Variants in CIITA observed in about 807,000 individuals in gnomAD.
The protein encoded by CIITA is MHC class II transactivator.
A neutral mutation model predicts 115.1 loss-of-function variants in CIITA; 72 were observed. The observed-to-expected ratio is 0.63, with a 90% CI of 0.52 to 0.76. CIITA has a LOEUF of 0.76. Among genes scored for constraint, CIITA ranks in the 30% least tolerant of loss-of-function variants. The probability of loss-of-function intolerance (pLI) is 0.00; values close to 1 mark genes in which losing one functional copy is unlikely to be tolerated. For missense variants in CIITA, 1,617 were observed against 1,463.8 expected, an observed-to-expected ratio of 1.10 and a Z score of -1.71; for synonymous variants, 763 against 635.6, an observed-to-expected ratio of 1.20 and a Z score of -3.02.
chr16:10,896,182 A>G (rs1042739364), intron 3 of CIITA, among the ~76,000 whole-genome samples: 5 of 152,214 alleles, frequency 3.3e-5, no homozygotes, highest in Non-Finnish European at 7.3e-5. Context: ...ATTGCTGTCC[A>G]TACATTATCA....
intron 1 of CIITA, among the ~76,000 whole-genome samples, chr16:10,887,479 A>C (rs2037072942): frequency 1.3e-5 from 2 of 148,322 alleles, no homozygotes; most frequent in South Asian, 4.3e-4. Context: ...AAGAGTAGGG[A>C]AGTATTCCTT....
intron 10 of CIITA, among the ~76,000 whole-genome samples, chr16:10,906,078 A>G (rs1234976206): frequency 6.6e-6 from 1 of 152,016 alleles, no homozygotes; most frequent in African/African-American, 2.4e-5. Context: ...CTGTAGTCCC[A>G]GCTACTCAGG....
chr16:10,868,775 C>G (rs924730464), intron 1 of CIITA, among the ~76,000 whole-genome samples: 1 of 152,196 alleles, frequency 6.6e-6, no homozygotes, highest in Non-Finnish European at 1.5e-5. Flanking sequence ...ACTCTGTTTC[C>G]TCCCTCGGGA....
At position 10,879,151 on chromosome 16, in the gene CIITA, G is replaced by C. The variant is rs142300925; in HGVS notation, c.52+1769G>C. The C allele has an allele frequency of 1.3e-3, 236 of 181,664 alleles. No homozygotes were observed. The highest frequency in any genetic ancestry group is 5.4e-3 in the African/African-American group (229 of 42,530). The allele number at this position is 181,664 out of a possible 1,614,324, so 11.3% of individuals were successfully genotyped here. A position where few individuals can be genotyped will look rare whatever the true frequency, so the allele number is the denominator to read the frequency against. On this transcript the variant is annotated intron_variant, in intron 1 of 19. Transcript: ENST00000324288. This position sits in a 1 kb window ranked among gnomAD's most constrained non-coding sequence, Gnocchi z 4.3. ...CACACAGCAAGTCTGGGAGGATGGG[G>C]GGATGGAATATGCAAAATGTAGGGC...
rs747535079 is a variant in CIITA at position 10,907,452 on chromosome 16, C to G, written c.1960C>G (p.Pro654Ala). ...LLGRAALDSPPGALAELAKLA... is the reference protein window; with the variant it reads ...LLGRAALDSPAGALAELAKLA... ...GGGCCGTGCAGCCCTCGACAGCCCC[C>G]CCGGGGCCCTGGCAGAGCTGGCCAA... Residue 654 changes from proline to alanine, a missense_variant, in exon 11 of 20, where the codon CCC becomes GCC. Transcript: ENST00000324288. The surrounding 1 kb of genome is among the most constrained non-coding windows in gnomAD (Gnocchi z 5.0). The G allele has an allele frequency of 1.9e-6, 3 of 1,613,376 alleles. No individual in the cohort carries two copies. The highest frequency in any genetic ancestry group is 2.2e-5 in the East Asian group (1 of 44,870).
chr16:10,899,149 A>C (rs1266540799), intron 5 of CIITA, 147 bp downstream of exon 5: 6 of 750,834 alleles, frequency 8.0e-6, no homozygotes, highest in Non-Finnish European at 1.4e-5. Flanking sequence ...GAGCCTTAAA[A>C]TGTACATCTG....
rs761042006 is a variant in CIITA, at chr16:10,907,815, G to C, written c.2323G>C (p.Gly775Arg). 1.9e-6 allele frequency: 3 copies of C among 1,613,998 alleles called. No individual in the cohort carries two copies. The highest frequency in any genetic ancestry group is 1.1e-5 in the South Asian group (1 of 91,074). ...PPARCLGALL[G>R]PSAAASVDRK... ...CGCCCGCTGCCTGGGAGCCCTACTC[G>C]GGCCATCGGCGGCTGCCTCGGTGGA... Residue 775 changes from glycine (G) to arginine (R), a missense_variant, in exon 11 of 20, where the codon GGG becomes CGG. Transcript: ENST00000324288. The surrounding 1 kb of genome is among the most constrained non-coding windows in gnomAD (Gnocchi z 5.0).
intron 15 of CIITA, among the ~76,000 whole-genome samples, chr16:10,917,482 T>A (rs922480649): frequency 5.2e-5 from 1 of 19,282 alleles, no homozygotes; most frequent in Non-Finnish European, 1.6e-4. Context: ...TTCAATGGGA[T>A]TTTTTTTTTT....
downstream of CIITA, chr16:10,937,458 C>A (rs1216772915): frequency 6.6e-6 from 1 of 152,414 alleles, no homozygotes; most frequent in Non-Finnish European, 1.5e-5. This position sits in a 1 kb window ranked among gnomAD's most constrained non-coding sequence, Gnocchi z 4.2. Context: ...TAGGAAGGAG[C>A]AGCTGTGGTT....
rs780434580 is a variant in CIITA at position 10,907,826 on chromosome 16, G to A, written c.2334G>A (p.Ala778=). The A allele has an allele frequency of 1.5e-5, 25 of 1,613,832 alleles. No individual in the cohort carries two copies. The highest frequency in any genetic ancestry group is 2.2e-5 in the East Asian group (1 of 44,870). The change falls in exon 11 of 20, where the codon GCG becomes GCA. Residue 778 remains alanine (A), a synonymous_variant. Transcript: ENST00000324288. The surrounding 1 kb of genome is among the most constrained non-coding windows in gnomAD (Gnocchi z 5.0). ...RCLGALLGPS[A]AASVDRKQKV... The stretch of plus-strand genomic sequence containing the variant: ...TGGGAGCCCTACTCGGGCCATCGGC[G>A]GCTGCCTCGGTGGACAGGAAGCAGA...
At chr16:10,900,985 A>T (rs1206536968) in intron 5 of CIITA, among the ~76,000 whole-genome samples, 1 of 152,184 alleles carries the variant, frequency 6.6e-6, no homozygotes, top group African/African-American at 2.4e-5. Flanking sequence ...GTACTTCAGC[A>T]TCCTTTCTTT....
Position 10,923,554 on chromosome 16 carries a change from G to A in CIITA, c.*22+229G>A, listed in dbSNP as rs1440732310. On this transcript the variant is annotated intron_variant, in intron 19 of 19. Coordinates refer to ENST00000324288, the MANE Select transcript of CIITA (RefSeq NM_000246.4). This position sits in a 1 kb window ranked among gnomAD's most constrained non-coding sequence, Gnocchi z 5.2. ...GTCAGGCTTAGAGATCAGGGGACAG[G>A]AAAGTTGGCCATCCACATCCCACAG... 6.6e-6 allele frequency among the ~76,000 whole-genome samples: 1 copy of A among 152,178 alleles called. No individual in the cohort carries two copies. The highest frequency in any genetic ancestry group is 1.5e-5 in the Non-Finnish European group (1 of 68,026).
intron 7 of CIITA, 92 bp downstream of exon 7, chr16:10,902,276 C>T (rs979435819): frequency 2.6e-6 from 4 of 1,528,408 alleles, no homozygotes; most frequent in Admixed American, 1.8e-5. Context: ...AGGAACTGGA[C>T]CTCACCTCTC....
intron 8 of CIITA, among the ~76,000 whole-genome samples, chr16:10,903,412 G>A (rs2038923813): frequency 6.6e-6 from 1 of 152,172 alleles, no homozygotes; most frequent in Admixed American, 6.5e-5. Flanking sequence ...TATCTCAGAA[G>A]CAGAGAAGCA....
In CIITA at chr16:10,906,947, C is replaced by A. The variant is rs997366564; in HGVS notation, c.1455C>A (p.Ser485Arg). 4 of 1,613,078 alleles carry A rather than the reference C, an allele frequency of 2.5e-6. No individual in the cohort carries two copies. The African/African-American group carries it at 5.3e-5, about 22-fold the overall frequency. Residue 485 changes from serine to arginine, a missense_variant, in exon 11 of 20, where the codon AGC becomes AGA. Transcript: ENST00000324288. ...QPLVAADEVF[S>R]HILKRPDRVL... Reference sequence around the variant, plus strand: ...TCGTGGCGGCCGATGAGGTTTTCAGCCACATCTTGAAGAGACCTGACCGCG... The same window carrying A: ...TCGTGGCGGCCGATGAGGTTTTCAGACACATCTTGAAGAGACCTGACCGCG...
chr16:10,897,680 A>G (rs1394351405), intron 3 of CIITA, among the ~76,000 whole-genome samples: 1 of 152,180 alleles, frequency 6.6e-6, no homozygotes. Flanking sequence ...ACCCACCATC[A>G]CGGGATGGTT....
chr16:10,915,421 T>C, intron 13 of CIITA, 149 bp from the exon 14 acceptor site: 2 of 704,902 alleles, frequency 2.8e-6, no homozygotes, highest in African/African-American at 1.7e-5. Flanking sequence ...CGTGGAAGGG[T>C]TGCAGGGACC....
At position 10,906,637 on chromosome 16, in the gene CIITA, T is replaced by C. The variant is rs756098713; in HGVS notation, c.1145T>C (p.Leu382Pro). The C allele has an allele frequency of 1.2e-6, 2 of 1,613,910 alleles. No homozygotes were observed. Among genetic ancestry groups the C allele is most frequent in the African/African-American group, 1.3e-5 (1 of 75,052 alleles). ...RSSSKSLERE[L>P]ATPDWAERQL... ...AGCAGCAAGAGCCTGGAGCGGGAAC[T>C]GGCCACCCCGGACTGGGCAGAACGG... Residue 382 changes from leucine to proline, a missense_variant, in exon 11 of 20, where the codon CTG becomes CCG. By Grantham distance (98) the Leu-to-Pro change is moderately conservative. Coordinates refer to ENST00000324288, the MANE Select transcript of CIITA (RefSeq NM_000246.4).
rs2040669402 is a variant in CIITA, at chr16:10,929,244, C to T, written c.*5389C>T. ...CAAACGGAGCTGGGAGTCGCTTTTGCGTGTGTCCGCAGTTTGAAGTGTCCT... is the reference window on the plus strand; with the variant it reads ...CAAACGGAGCTGGGAGTCGCTTTTGTGTGTGTCCGCAGTTTGAAGTGTCCT... On this transcript the variant is annotated 3_prime_UTR_variant, in exon 20 of 20. Transcript: ENST00000324288. The surrounding 1 kb of genome is among the most constrained non-coding windows in gnomAD (Gnocchi z 4.3). The T allele has an allele frequency of 4.1e-6, 4 of 984,526 alleles. No homozygotes were observed. Among genetic ancestry groups the T allele is most frequent in the South Asian group, 9.4e-5 (2 of 21,242 alleles). The allele number at this position is 984,526 out of a possible 1,614,324, so 61.0% of individuals were successfully genotyped here.
Sources: allele counts gnomAD v4.1 joint callset (sites outside exome capture counted in the v4.1 genomes callset), GRCh38; gene constraint gnomAD v4.1.1; non-coding constraint Gnocchi (gnomAD v3.1); transcripts MANE v1.5; gene names NCBI Gene and HGNC (gene_info 2026-07-23, HGNC 2026-07-21).